ITPK1: variants seen among roughly 807,000 people sequenced by gnomAD.
ITPK1 encodes the protein inositol 1,3,4-trisphosphate 5/6-kinase.
ITPK1 carries 21 observed loss-of-function variants against 45.3 expected under a neutral mutation model. The ratio of observed to expected loss-of-function variants is 0.46; its 90% CI spans 0.33 to 0.67. ITPK1 has a LOEUF of 0.67. Among genes scored for constraint, ITPK1 ranks in the 30% least tolerant of loss-of-function variants. The probability of loss-of-function intolerance (pLI) is 0.02; values close to 1 mark genes in which losing one functional copy is unlikely to be tolerated. For synonymous variants in ITPK1, 258 were observed against 253.6 expected, an observed-to-expected ratio of 1.02 and a Z score of -0.16; for missense variants, 474 against 573.5, an observed-to-expected ratio of 0.83 and a Z score of 1.77.
intron 3 of ITPK1, among the ~76,000 whole-genome samples, chr14:93,024,796 C>T (rs1888651043): frequency 6.6e-6 from 1 of 152,210 alleles, no homozygotes; most frequent in African/African-American, 2.4e-5. Flanking sequence ...GTATAACCAG[C>T]AAATCTCCCC....
In ITPK1 at chr14:92,941,455, A is replaced by T; in HGVS notation, c.*106T>A. 4.2e-6 allele frequency: 6 copies of T among 1,427,998 alleles called. No homozygotes were observed. In the South Asian group the frequency reaches 8.8e-5, roughly 21 times the overall value. The allele number at this position is 1,427,998 out of a possible 1,614,324, so 88.5% of individuals were successfully genotyped here. ...CAGGTTAAAAATTAAAAAACAGAAG[A>T]ATCAGATCACTGGGGATTCTTAGTA... is the stretch of plus-strand genomic sequence containing the variant. On this transcript the variant is annotated 3_prime_UTR_variant, in exon 11 of 11. Transcript: ENST00000267615.
chr14:92,973,735 G>A (rs1306555732), intron 5 of ITPK1, among the ~76,000 whole-genome samples: 1 of 152,210 alleles, frequency 6.6e-6, no homozygotes, highest in African/African-American at 2.4e-5. Flanking sequence ...CAGGCACGTG[G>A]GTGGGAGGGC....
chr14:92,952,850 G>A (rs1158791078), intron 8 of ITPK1, among the ~76,000 whole-genome samples: 1 of 152,178 alleles, frequency 6.6e-6, no homozygotes, highest in East Asian at 1.9e-4. Context: ...TGTAGGCACT[G>A]GGAAGCATTG....
intron 3 of ITPK1, among the ~76,000 whole-genome samples, chr14:93,028,695 GCTCTCAGACCCTC>G (rs747870059): frequency 2.6e-5 from 4 of 152,208 alleles, no homozygotes; most frequent in Non-Finnish European, 5.9e-5. Flanking sequence ...GCGGATGTCA[GCTCTCAGACCCTC>G]CGGAACCTCA....
intron 2 of ITPK1, among the ~76,000 whole-genome samples, chr14:93,094,861 C>G (rs1170423039): frequency 6.6e-6 from 1 of 152,256 alleles, no homozygotes; most frequent in African/African-American, 2.4e-5. Context: ...GCCCTACATG[C>G]CCAGAGTCCG....
chr14:93,085,730 T>G (rs1289692328), intron 2 of ITPK1, among the ~76,000 whole-genome samples: 3 of 152,248 alleles, frequency 2.0e-5, no homozygotes, highest in Non-Finnish European at 4.4e-5. Flanking sequence ...TCATCCTGAC[T>G]TCTTGCTGAT....
At chr14:93,027,343 T>C (rs1888787140) in intron 3 of ITPK1, among the ~76,000 whole-genome samples, 1 of 152,192 alleles carries the variant, frequency 6.6e-6, no homozygotes, top group Admixed American at 6.5e-5. Context: ...CAGGCTTAGA[T>C]TCAAATCCAG....
chr14:92,972,701 C>T (rs921543633), intron 5 of ITPK1, among the ~76,000 whole-genome samples: 3 of 152,180 alleles, frequency 2.0e-5, no homozygotes, highest in Non-Finnish European at 2.9e-5. Flanking sequence ...AGCAATTCTC[C>T]TGCCTCAGCC....
intron 4 of ITPK1, among the ~76,000 whole-genome samples, chr14:93,006,889 C>T (rs757452210): frequency 6.6e-6 from 1 of 152,246 alleles, no homozygotes; most frequent in Admixed American, 6.5e-5. Context: ...TCACACCAAA[C>T]TTTTATGAGC....
chr14:93,012,068 C>G lies in ITPK1; in HGVS notation c.246+4608G>C, dbSNP rs868323721. 2.0e-5 allele frequency among the ~76,000 whole-genome samples: 3 copies of G among 152,270 alleles called. No homozygotes were observed. The highest frequency in any genetic ancestry group is 4.8e-5 in the African/African-American group (2 of 41,570). On this transcript the variant is annotated intron_variant, in intron 4 of 10. Coordinates refer to ENST00000267615, the MANE Select transcript of ITPK1 (RefSeq NM_014216.6). This position sits in a 1 kb window ranked among gnomAD's most constrained non-coding sequence, Gnocchi z 4.9. ...TCCCTCCCCGCTCCAAGCAGCCCAG[C>G]AGAGCCACGTCCTCCCTCCGCAAGG...
Position 92,963,652 on chromosome 14 carries a change from T to A in ITPK1, c.365-803A>T, listed in dbSNP as rs58132490. On this transcript the variant is annotated intron_variant, in intron 5 of 10. Coordinates refer to ENST00000267615, the MANE Select transcript of ITPK1 (RefSeq NM_014216.6). ...CCCTCTCCAGGCCCACCCAGTGGAT[T>A]CTAAGAGTGAGTCCAACTTCCTAAA... Among the ~76,000 whole-genome samples the A allele has an allele frequency of 8.9e-3, 1,360 of 152,320 alleles. 17 individuals carry two copies. The highest frequency in any genetic ancestry group is 0.031 in the African/African-American group (1,278 of 41,564).
At chr14:92,997,708 T>C (rs1481409405) in intron 4 of ITPK1, among the ~76,000 whole-genome samples, 1 of 152,180 alleles carries the variant, frequency 6.6e-6, no homozygotes, top group Non-Finnish European at 1.5e-5. Context: ...ACATGTTCCC[T>C]CGCAGGGCCT....
At chr14:92,994,052 T>C in intron 4 of ITPK1, 55 bp from the exon 5 acceptor site, 1 of 1,143,924 alleles carries the variant, frequency 8.7e-7, no homozygotes, top group South Asian at 1.2e-5. Flanking sequence ...AGGTAGCAAC[T>C]CACCCCTCGC....
At chr14:93,106,325 G>A (rs1399857720) in intron 2 of ITPK1, among the ~76,000 whole-genome samples, 1 of 152,048 alleles carries the variant, frequency 6.6e-6, no homozygotes, top group African/African-American at 2.4e-5. Flanking sequence ...CACACTGTCA[G>A]GAAACAAGGC....
At chr14:93,089,158 G>A (rs2402240) in intron 2 of ITPK1, among the ~76,000 whole-genome samples, 26,297 of 152,164 alleles carry the variant, frequency 0.17, 2,389 homozygotes, top group South Asian at 0.28. Flanking sequence ...AGGCCAAAAG[G>A]ATGGATGCCA....
intron 5 of ITPK1, among the ~76,000 whole-genome samples, chr14:92,990,100 T>C (rs1201666401): frequency 2.0e-5 from 3 of 152,218 alleles, no homozygotes; most frequent in Non-Finnish European, 4.4e-5. Flanking sequence ...AAAACCCGAA[T>C]TGTAGCTGGG....
intron 4 of ITPK1, among the ~76,000 whole-genome samples, chr14:93,002,498 C>T (rs373966717): frequency 1.3e-4 from 20 of 152,172 alleles, no homozygotes; most frequent in African/African-American, 4.6e-4. Context: ...GAAGGCCTGG[C>T]GAAATGAAAA....
At chr14:93,093,634 C>T (rs945790367) in intron 2 of ITPK1, among the ~76,000 whole-genome samples, 4 of 152,184 alleles carry the variant, frequency 2.6e-5, no homozygotes, top group East Asian at 1.9e-4. Flanking sequence ...ATACAGAGGG[C>T]GTGGCGATGC....
chr14:92,956,220 A>G (rs1048203320), intron 8 of ITPK1, among the ~76,000 whole-genome samples: 1 of 151,850 alleles, frequency 6.6e-6, no homozygotes, highest in African/African-American at 2.4e-5. Context: ...CCTGGGCCCA[A>G]GCGATCCTCC....
Sources: gnomAD v4.1 joint callset for allele counts (sites outside exome capture counted in the v4.1 genomes callset) on GRCh38, gnomAD v4.1.1 for gene constraint, Gnocchi (gnomAD v3.1) non-coding constraint, MANE v1.5 for transcripts, NCBI Gene and HGNC (gene_info 2026-07-23, HGNC 2026-07-21) for gene names.